CAMTA1: variants seen among roughly 807,000 people sequenced by gnomAD.
The protein encoded by CAMTA1 is calmodulin-binding transcription activator 1.
In CAMTA1, 27 loss-of-function variants were observed where a neutral mutation model predicts 170.9. The ratio of observed to expected loss-of-function variants is 0.16; its 90% CI spans 0.12 to 0.22. CAMTA1 has a LOEUF of 0.22. Among genes scored for constraint, CAMTA1 ranks in the 10% least tolerant of loss-of-function variants. CAMTA1 has a pLI of 1.00. For missense variants in CAMTA1, 1,619 were observed against 2,217.2 expected (o/e 0.73, Z 5.42); for synonymous variants, 833 against 891.5 (o/e 0.93, Z 1.17).
chr1:6,989,269 G>A (rs983548784), intron 3 of CAMTA1, among the ~76,000 whole-genome samples: 1 of 152,310 alleles, frequency 6.6e-6, no homozygotes, highest in South Asian at 2.1e-4. Context: ...ATCCCAACCT[G>A]TTCCATATTT....
Position 7,455,968 on chromosome 1 carries a change from C to T in CAMTA1, c.439-11862C>T, listed in dbSNP as rs938732910. Among the ~76,000 whole-genome samples the T allele has an allele frequency of 6.6e-6, 1 of 152,166 alleles. No homozygotes were observed. Among genetic ancestry groups the T allele is most frequent in the Non-Finnish European group, 1.5e-5 (1 of 68,022 alleles). On this transcript the variant is annotated intron_variant, in intron 5 of 22. Transcript: ENST00000303635. The surrounding 1 kb of genome is among the most constrained non-coding windows in gnomAD (Gnocchi z 5.0). Reference sequence around the variant, plus strand: ...GAGGGTACAGCCTGAGCCTCCTTACCAAGGCTCAGGGTCCCACCGTTGGTC... The same window carrying T: ...GAGGGTACAGCCTGAGCCTCCTTACTAAGGCTCAGGGTCCCACCGTTGGTC...
At chr1:7,762,432 GTA>G (rs1318073461) in intron 22 of CAMTA1, among the ~76,000 whole-genome samples, 1 of 152,114 alleles carries the variant, frequency 6.6e-6, no homozygotes, top group Non-Finnish European at 1.5e-5. Flanking sequence ...TAAAATTCTA[GTA>G]TATGTTATTC....
chr1:6,946,847 G>A (rs1225714313), intron 3 of CAMTA1, among the ~76,000 whole-genome samples: 2 of 152,152 alleles, frequency 1.3e-5, no homozygotes, highest in African/African-American at 4.8e-5. Flanking sequence ...TTCTTTTGCT[G>A]TTTGTGCTTT....
intron 4 of CAMTA1, among the ~76,000 whole-genome samples, chr1:7,105,204 CTTATT>C (rs1381363778): frequency 3.3e-5 from 5 of 152,222 alleles, no homozygotes; most frequent in African/African-American, 9.6e-5. Context: ...ATATTCATAA[CTTATT>C]TTATTAAGGG....
intron 1 of CAMTA1, among the ~76,000 whole-genome samples, chr1:6,801,801 C>T (rs1643878608): frequency 6.7e-6 from 1 of 149,122 alleles, no homozygotes; most frequent in African/African-American, 2.5e-5. Flanking sequence ...AATAAACTGT[C>T]AGAATCACAC....
chr1:6,864,465 C>T (rs1037933070), intron 3 of CAMTA1, among the ~76,000 whole-genome samples: 5 of 152,168 alleles, frequency 3.3e-5, no homozygotes, highest in Admixed American at 3.3e-4. Flanking sequence ...TGAGCGGCTT[C>T]TTGTTGTACT....
At chr1:7,223,220 G>A (rs1468925776) in intron 4 of CAMTA1, among the ~76,000 whole-genome samples, 2 of 130,280 alleles carry the variant, frequency 1.5e-5, no homozygotes, top group African/African-American at 6.0e-5. Flanking sequence ...TGTACTGAAT[G>A]TTTCCTACAT....
At chr1:7,488,511 A>C (rs1490828257) in intron 6 of CAMTA1, among the ~76,000 whole-genome samples, 5 of 152,066 alleles carry the variant, frequency 3.3e-5, no homozygotes, top group Non-Finnish European at 7.4e-5. Context: ...ACGCACATAC[A>C]CACACATGTA....
intron 5 of CAMTA1, among the ~76,000 whole-genome samples, chr1:7,260,652 G>A (rs1203329370): frequency 1.3e-5 from 2 of 152,206 alleles, no homozygotes; most frequent in African/African-American, 2.4e-5. Context: ...ACAGAAGATA[G>A]GCTGAAACTG....
At chr1:6,902,940 A>G (rs1402470380) in intron 3 of CAMTA1, among the ~76,000 whole-genome samples, 2 of 152,242 alleles carry the variant, frequency 1.3e-5, no homozygotes, top group Non-Finnish European at 2.9e-5. Flanking sequence ...CATGTACACC[A>G]TGATCCAACA....
At chr1:7,385,919 C>T (rs936589606) in intron 5 of CAMTA1, among the ~76,000 whole-genome samples, 17 of 152,174 alleles carry the variant, frequency 1.1e-4, no homozygotes, top group Non-Finnish European at 1.8e-4. Context: ...CATGCAGGAG[C>T]CTCACTCACT....
At chr1:7,441,744 G>C (rs1385016305) in intron 5 of CAMTA1, among the ~76,000 whole-genome samples, 2 of 152,156 alleles carry the variant, frequency 1.3e-5, no homozygotes, top group African/African-American at 4.8e-5. Flanking sequence ...GGGGACGGCT[G>C]GCAGGAAGCT....
Position 7,681,150 on chromosome 1 carries a change from C to T in CAMTA1, c.2914+3417C>T, listed in dbSNP as rs998180592. ...AGACCTAGGGGTCTTCCCCTCCCTTCCCCTGCGCCCCACTGTGAGCTCCAG... is the reference window on the plus strand; with the variant it reads ...AGACCTAGGGGTCTTCCCCTCCCTTTCCCTGCGCCCCACTGTGAGCTCCAG... On this transcript the variant is annotated intron_variant, in intron 11 of 22. Transcript: ENST00000303635. This position sits in a 1 kb window ranked among gnomAD's most constrained non-coding sequence, Gnocchi z 4.6. 6.6e-6 allele frequency among the ~76,000 whole-genome samples: 1 copy of T among 152,148 alleles called. No individual in the cohort carries two copies. Among genetic ancestry groups the T allele is most frequent in the Admixed American group, 6.5e-5 (1 of 15,286 alleles).
chr1:7,702,836 G>T (rs1164454953), intron 11 of CAMTA1, among the ~76,000 whole-genome samples: 4 of 152,094 alleles, frequency 2.6e-5, no homozygotes, highest in Non-Finnish European at 5.9e-5. Context: ...CCAGCCTCCA[G>T]CCACTCCTCC....
intron 8 of CAMTA1, among the ~76,000 whole-genome samples, chr1:7,662,156 G>C (rs896453030): frequency 6.6e-6 from 1 of 152,236 alleles, no homozygotes; most frequent in Non-Finnish European, 1.5e-5. Context: ...GGGGAAGCGA[G>C]GAGCTCTGGG....
At chr1:7,581,292 C>A (rs1401736917) in intron 6 of CAMTA1, among the ~76,000 whole-genome samples, 2 of 152,220 alleles carry the variant, frequency 1.3e-5, no homozygotes, top group Non-Finnish European at 2.9e-5. Flanking sequence ...GAAGGGCCTG[C>A]AGCAACGTTC....
chr1:7,211,532 C>A (rs1248991963), intron 4 of CAMTA1, among the ~76,000 whole-genome samples: 1 of 152,208 alleles, frequency 6.6e-6, no homozygotes, highest in African/African-American at 2.4e-5. Flanking sequence ...GATGATTTCA[C>A]TCATTATTGT....
chr1:7,057,761 CT>C (rs1254217937), intron 3 of CAMTA1, among the ~76,000 whole-genome samples: 3 of 152,240 alleles, frequency 2.0e-5, no homozygotes, highest in Admixed American at 6.5e-5. Context: ...AGCAAGTCCC[CT>C]GGCCCAGATA....
intron 3 of CAMTA1, chr1:7,008,640 G>A (rs1572399696): frequency 6.6e-6 from 1 of 152,140 alleles, no homozygotes; most frequent in East Asian, 1.9e-4. Flanking sequence ...ACAGGTTAGT[G>A]GCTTCATCTT....
Sources: allele counts gnomAD v4.1 joint callset (sites outside exome capture counted in the v4.1 genomes callset), GRCh38; gene constraint gnomAD v4.1.1; non-coding constraint Gnocchi (gnomAD v3.1); transcripts MANE v1.5; gene names NCBI Gene and HGNC (gene_info 2026-07-23, HGNC 2026-07-21).